The following RPS6KA5 variants were observed in gnomAD, a reference collection of about 807,000 sequenced individuals.
RPS6KA5 encodes ribosomal protein S6 kinase A5, also known as ribosomal protein S6 kinase alpha-5.
A neutral mutation model predicts 85.5 loss-of-function variants in RPS6KA5; 27 were observed. The observed-to-expected ratio is 0.32, with a 90% CI of 0.23 to 0.44. The LOEUF (loss-of-function observed/expected upper bound fraction) is 0.44, where lower values mean the gene tolerates loss of function less well. Ranked by LOEUF, RPS6KA5 falls within the 20% of genes least tolerant of loss-of-function variation. The pLI, the probability that RPS6KA5 is intolerant of heterozygous loss-of-function variation, is 1.00. For missense variants in RPS6KA5, 811 were observed against 980.9 expected, an observed-to-expected ratio of 0.83 and a Z score of 2.31; for synonymous variants, 334 against 348.2, an observed-to-expected ratio of 0.96 and a Z score of 0.46.
chr14:90,920,701 T>A (rs1456364068), intron 6 of RPS6KA5, among the ~76,000 whole-genome samples: 1 of 151,416 alleles, frequency 6.6e-6, no homozygotes, highest in Non-Finnish European at 1.5e-5. Flanking sequence ...AAAAACCACA[T>A]CCAAGGGTAT....
intron 8 of RPS6KA5, among the ~76,000 whole-genome samples, chr14:90,905,091 T>C (rs946445040): frequency 6.6e-6 from 1 of 152,168 alleles, no homozygotes; most frequent in Non-Finnish European, 1.5e-5. Context: ...TTTCTCATTA[T>C]GTTACTGAAC....
At chr14:91,053,532 C>T (rs2043181184) in intron 1 of RPS6KA5, among the ~76,000 whole-genome samples, 1 of 152,082 alleles carries the variant, frequency 6.6e-6, no homozygotes, top group Non-Finnish European at 1.5e-5. Context: ...AAAAACTGTA[C>T]CTCTATACTC....
At chr14:90,896,747 G>T (rs188612031) in intron 12 of RPS6KA5, among the ~76,000 whole-genome samples, 2 of 152,126 alleles carry the variant, frequency 1.3e-5, no homozygotes, top group African/African-American at 4.8e-5. Context: ...TTGAGACAGG[G>T]TCTCACTCTA....
chr14:90,978,257 C>A (rs753138061), intron 3 of RPS6KA5, 49 bp downstream of exon 3: 2 of 1,394,672 alleles, frequency 1.4e-6, no homozygotes, highest in East Asian at 2.3e-5. Context: ...TAACTTAAGA[C>A]CCAAAGAAAA....
At chr14:91,001,716 T>C (rs1384049110) in intron 1 of RPS6KA5, among the ~76,000 whole-genome samples, 1 of 152,210 alleles carries the variant, frequency 6.6e-6, no homozygotes, top group African/African-American at 2.4e-5. Flanking sequence ...CCCTGTCAGC[T>C]CTAAAATTCT....
At chr14:90,954,762 TTTAC>T (rs2038413210) in intron 3 of RPS6KA5, among the ~76,000 whole-genome samples, 1 of 152,212 alleles carries the variant, frequency 6.6e-6, no homozygotes, top group Non-Finnish European at 1.5e-5. Context: ...GTTCAATTTC[TTTAC>T]TTGTCTATTC....
Position 90,872,117 on chromosome 14 carries a change from T to C in RPS6KA5, c.2366A>G (p.Asn789Ser). 1 of 1,613,880 alleles carries C rather than the reference T, an allele frequency of 6.2e-7. No individual in the cohort carries two copies. The change falls in exon 17 of 17, where the codon AAT becomes AGT. Residue 789 changes from asparagine to serine, a missense_variant. Asn to Ser is a conservative substitution (Grantham distance 46). Around this residue, in one of 3 missense-constraint regions of RPS6KA5, gnomAD observed 650 missense variants for 793.4 expected, o/e 0.82. Coordinates refer to ENST00000614987, the MANE Select transcript of RPS6KA5 (RefSeq NM_004755.4). ...GAACTGGAAGAGGGTCTCCGGGTTA[T>C]TGCTGTCGGCAGGATTGCTGGGCTG... ...TLQPSNPADS[N>S]NPETLFQFSD...
At chr14:90,901,361 A>G (rs1275984356) in intron 9 of RPS6KA5, among the ~76,000 whole-genome samples, 7 of 152,148 alleles carry the variant, frequency 4.6e-5, no homozygotes, top group Non-Finnish European at 1.0e-4. Flanking sequence ...TAAAGGCCTG[A>G]GCCACCAGAC....
intron 5 of RPS6KA5, among the ~76,000 whole-genome samples, chr14:90,936,399 G>A (rs2037257362): frequency 6.6e-6 from 1 of 151,900 alleles, no homozygotes; most frequent in Non-Finnish European, 1.5e-5. Context: ...CCTAGTCTCT[G>A]CAAAAAATAC....
rs1229605827 is a variant in RPS6KA5 at position 90,854,513 on chromosome 14, A to G, written c.*17561T>C. The G allele has an allele frequency of 2.6e-5, 4 of 152,334 alleles. No individual in the cohort carries two copies. The East Asian group carries it at 7.7e-4, about 29-fold the overall frequency. The allele number at this position is 152,334 out of a possible 1,614,324, so 9.4% of individuals were successfully genotyped here. On this transcript the variant is annotated 3_prime_UTR_variant, in exon 17 of 17. Coordinates refer to ENST00000614987, the MANE Select transcript of RPS6KA5 (RefSeq NM_004755.4). ...ATTTTGCTAAATGTATCATCATTAG[A>G]AAAAGTTTTCTGGATGTGTATATGA...
intron 1 of RPS6KA5, among the ~76,000 whole-genome samples, chr14:91,032,673 A>G (rs761395102): frequency 2.6e-5 from 4 of 152,206 alleles, no homozygotes; most frequent in Non-Finnish European, 5.9e-5. Context: ...TTTAACAGGA[A>G]TATATAGTCC....
chr14:90,987,508 GA>G (rs1241867124), intron 2 of RPS6KA5, among the ~76,000 whole-genome samples: 1 of 152,158 alleles, frequency 6.6e-6, no homozygotes, highest in African/African-American at 2.4e-5. Flanking sequence ...AGATTGGAGG[GA>G]AAAAAAGCTA....
intron 5 of RPS6KA5, among the ~76,000 whole-genome samples, chr14:90,932,289 AATTTTTTT>A (rs746200289): frequency 1.4e-4 from 22 of 151,954 alleles, no homozygotes; most frequent in African/African-American, 4.8e-5. Context: ...ATGCTCGGCT[AATTTTTTT>A]ATTTTTTTAT....
chr14:91,001,841 A>G (rs562319253), intron 1 of RPS6KA5, among the ~76,000 whole-genome samples: 1 of 152,328 alleles, frequency 6.6e-6, no homozygotes, highest in South Asian at 2.1e-4. Flanking sequence ...TTCTAGTCCT[A>G]TCCTATAATA....
Position 90,851,801 on chromosome 14 carries a change from A to G in RPS6KA5, c.*20273T>C, listed in dbSNP as rs2032007451. ...AAAAACTGAATGGTTTTTACTAATA[A>G]AGCTGGGCACAGGCCAAGGCAGACA... On this transcript the variant is annotated 3_prime_UTR_variant, in exon 17 of 17. Transcript: ENST00000614987. 3 of 152,236 alleles carry G rather than the reference A, an allele frequency of 2.0e-5. No homozygotes were observed. Among genetic ancestry groups the G allele is most frequent in the Admixed American group, 1.3e-4 (2 of 15,288 alleles). The allele number at this position is 152,236 out of a possible 1,614,324, so 9.4% of individuals were successfully genotyped here. A position where few individuals can be genotyped will look rare whatever the true frequency, so the allele number is the denominator to read the frequency against.
chr14:90,896,926 T>A (rs1339605670), intron 12 of RPS6KA5, among the ~76,000 whole-genome samples: 1 of 152,106 alleles, frequency 6.6e-6, no homozygotes, highest in Non-Finnish European at 1.5e-5. Context: ...TCTCACCATG[T>A]TGGCCAGACT....
intron 3 of RPS6KA5, among the ~76,000 whole-genome samples, chr14:90,948,702 A>G (rs1424794922): frequency 6.6e-6 from 1 of 151,714 alleles, no homozygotes; most frequent in Non-Finnish European, 1.5e-5. Context: ...CTCAAAAAAA[A>G]AAACAAAAAA....
intron 1 of RPS6KA5, among the ~76,000 whole-genome samples, chr14:91,011,452 C>A (rs562118991): frequency 6.6e-6 from 1 of 152,122 alleles, no homozygotes; most frequent in African/African-American, 2.4e-5. Flanking sequence ...CGCCACTGCA[C>A]TCCAGCTTGA....
Position 90,887,518 on chromosome 14 carries a change from T to C in RPS6KA5, c.1836+2969A>G, listed in dbSNP as rs186980868. Among the ~76,000 whole-genome samples the C allele has an allele frequency of 1.2e-3, 188 of 152,010 alleles. 1 individual carries two copies. Among genetic ancestry groups the C allele is most frequent in the Non-Finnish European group, 2.1e-3 (144 of 67,966 alleles). ...CACCTTTAAAACCACAACCACAATA[T>C]CAGTATCACATCTAAAAAAAATTAG... On this transcript the variant is annotated intron_variant, in intron 14 of 16. Transcript: ENST00000614987.
Sources: gnomAD v4.1 joint callset for allele counts (sites outside exome capture counted in the v4.1 genomes callset) on GRCh38, gnomAD v4.1.1 for gene constraint, gnomAD v4.1.1 regional missense constraint, MANE v1.5 for transcripts, NCBI Gene and HGNC (gene_info 2026-07-23, HGNC 2026-07-21) for gene names.